The following SCN9A variants were observed in gnomAD, a reference collection of about 807,000 sequenced individuals.
SCN9A encodes the protein sodium voltage-gated channel alpha subunit 9, also known as sodium channel protein type 9 subunit alpha.
A neutral mutation model predicts 187.0 loss-of-function variants in SCN9A; 131 were observed. That is an observed-to-expected ratio of 0.70 (90% CI 0.61 to 0.81). The LOEUF is 0.81. Ranked by LOEUF, SCN9A falls within the 30% of genes least tolerant of loss-of-function variation. SCN9A has a pLI of 0.00. For missense variants in SCN9A, 2,252 were observed against 2,396.6 expected (o/e 0.94, Z 1.26); for synonymous variants, 809 against 808.6 (o/e 1.00, Z -0.01).
chr2:166,252,024 T>A, intron 17 of SCN9A, 139 bp from the exon 18 acceptor site: 4 of 888,788 alleles, frequency 4.5e-6, no homozygotes, highest in Non-Finnish European at 6.8e-6. Context: ...AAAAAATGTA[T>A]AAACACATAT....
chr2:166,288,476 C>A lies in SCN9A; in HGVS notation c.1275G>T (p.Gln425His), dbSNP rs781606441. The A allele has an allele frequency of 1.2e-6, 2 of 1,612,694 alleles. No individual in the cohort carries two copies. The highest frequency in any genetic ancestry group is 1.7e-6 in the Non-Finnish European group (2 of 1,179,054). ...GCTCTTTTTTAAGACGGTCTAACAT[C>A]TGTTGAAATTCTAATTCTTTCTGTT... ...EAKQKELEFQ[Q>H]MLDRLKKEQE... The change falls in exon 10 of 27, where the codon CAG becomes CAT. Residue 425 changes from glutamine to histidine, a missense_variant. This residue lies in a region of SCN9A where 1,013 missense variants were observed against 997.4 expected (regional missense o/e 1.02). Coordinates refer to ENST00000642356, the MANE Select transcript of SCN9A (RefSeq NM_001365536.1).
intron 12 of SCN9A, among the ~76,000 whole-genome samples, chr2:166,283,867 A>G (rs1697605682): frequency 6.6e-6 from 1 of 152,166 alleles, no homozygotes; most frequent in Admixed American, 6.6e-5. Context: ...TCAACTTAGG[A>G]GCTACCATTT....
intron 2 of SCN9A, among the ~76,000 whole-genome samples, chr2:166,307,665 T>G (rs975850064): frequency 1.3e-5 from 2 of 152,208 alleles, no homozygotes; most frequent in African/African-American, 4.8e-5. Context: ...GGACTTAAAT[T>G]AAGAGGATTC....
At chr2:166,336,041 T>C (rs1699618167) in intron 1 of SCN9A, among the ~76,000 whole-genome samples, 1 of 151,934 alleles carries the variant, frequency 6.6e-6, no homozygotes, top group Admixed American at 6.6e-5. Flanking sequence ...TTACACCATT[T>C]TATGTAAAGA....
intron 9 of SCN9A, among the ~76,000 whole-genome samples, chr2:166,291,194 A>G (rs1051275839): frequency 6.6e-6 from 1 of 152,326 alleles, no homozygotes; most frequent in South Asian, 2.1e-4. Context: ...TCTCAGCCCC[A>G]AAACTCTTTA....
intron 20 of SCN9A, among the ~76,000 whole-genome samples, chr2:166,235,120 A>G (rs1193363472): frequency 6.6e-6 from 1 of 152,134 alleles, no homozygotes; most frequent in Non-Finnish European, 1.5e-5. Context: ...AAATTTCTTT[A>G]TTGAATACTT....
intron 14 of SCN9A, among the ~76,000 whole-genome samples, chr2:166,280,090 A>G (rs1008698376): frequency 6.6e-6 from 1 of 152,180 alleles, no homozygotes; most frequent in Non-Finnish European, 1.5e-5. Context: ...CTCCCAAGAA[A>G]TATGCTGGCA....
intron 10 of SCN9A, among the ~76,000 whole-genome samples, chr2:166,287,088 G>T (rs1351068331): frequency 3.3e-5 from 5 of 152,082 alleles, no homozygotes; most frequent in Non-Finnish European, 7.4e-5. Flanking sequence ...AAAGTGGTAA[G>T]GTCAATGACT....
Position 166,233,479 on chromosome 2 carries a change from T to C in SCN9A, c.3802-17A>G. On this transcript the variant is annotated splice_polypyrimidine_tract_variant and intron_variant, in intron 20 of 26. Transcript: ENST00000642356. The stretch of plus-strand genomic sequence containing the variant: ...CAAAGAAACCTATAAAAATAACATT[T>C]TCATTAATTGTGTCAATAAAATGAT... 6.5e-7 allele frequency: 1 copy of C among 1,549,508 alleles called. No individual in the cohort carries two copies. The highest frequency in any genetic ancestry group is 2.3e-5 in the East Asian group (1 of 42,736).
chr2:166,292,081 T>G (rs1698098679), intron 9 of SCN9A, among the ~76,000 whole-genome samples: 1 of 152,054 alleles, frequency 6.6e-6, no homozygotes, highest in Non-Finnish European at 1.5e-5. Flanking sequence ...GGGATATAAC[T>G]AAACTAAAGA....
intron 24 of SCN9A, among the ~76,000 whole-genome samples, chr2:166,213,377 A>G (rs1200597979): frequency 6.6e-6 from 1 of 150,946 alleles, no homozygotes. Flanking sequence ...ATAACTTAGA[A>G]GGAATAGGTA....
chr2:166,252,035 T>C (rs1397719965), intron 17 of SCN9A, 150 bp from the exon 18 acceptor site: 2 of 762,106 alleles, frequency 2.6e-6, no homozygotes, highest in Admixed American at 2.6e-5. Context: ...AAACACATAT[T>C]GAGGTCAAGT....
chr2:166,302,908 G>T (rs1012207444), intron 7 of SCN9A, 182 bp downstream of exon 7: 1 of 552,230 alleles, frequency 1.8e-6, no homozygotes, highest in Middle Eastern at 4.9e-4. Flanking sequence ...CTGCTAGATA[G>T]CTTAGAACCA....
At chr2:166,290,742 C>T (rs1391275671) in intron 9 of SCN9A, among the ~76,000 whole-genome samples, 1 of 151,916 alleles carries the variant, frequency 6.6e-6, no homozygotes, top group Non-Finnish European at 1.5e-5. Context: ...ATATCCTTTG[C>T]CCACTTTTTG....
intron 1 of SCN9A, among the ~76,000 whole-genome samples, chr2:166,316,536 T>C (rs1699112949): frequency 2.0e-5 from 3 of 152,034 alleles, no homozygotes; most frequent in Admixed American, 2.0e-4. Flanking sequence ...CTACTAAAAG[T>C]ACAAAAAAAT....
chr2:166,367,755 C>T (rs1347179966), intron 1 of SCN9A, among the ~76,000 whole-genome samples: 1 of 152,140 alleles, frequency 6.6e-6, no homozygotes, highest in Non-Finnish European at 1.5e-5. Flanking sequence ...AGTCATTCAA[C>T]CTATAAAACA....
chr2:166,334,668 G>A (rs1699585205), intron 1 of SCN9A, among the ~76,000 whole-genome samples: 1 of 152,070 alleles, frequency 6.6e-6, no homozygotes, highest in Admixed American at 6.6e-5. Context: ...TCATGGCTAT[G>A]CCATAAAAAA....
intron 24 of SCN9A, chr2:166,205,349 A>G (rs1311814732): frequency 1.3e-5 from 2 of 152,356 alleles, no homozygotes; most frequent in East Asian, 3.9e-4. Context: ...GGCCTCAGAA[A>G]TAACACTACA....
At chr2:166,294,851 C>G (rs1402752993) in intron 7 of SCN9A, 189 bp from the exon 8 acceptor site, 2 of 427,846 alleles carry the variant, frequency 4.7e-6, no homozygotes, top group Non-Finnish European at 8.3e-6. Context: ...CTCTTAGAGG[C>G]TAGGCAATAA....
Sources: allele counts gnomAD v4.1 joint callset (sites outside exome capture counted in the v4.1 genomes callset), GRCh38; gene constraint gnomAD v4.1.1; regional missense constraint gnomAD v4.1.1; transcripts MANE v1.5; gene names NCBI Gene and HGNC (gene_info 2026-07-23, HGNC 2026-07-21).